TIMM23B: variants seen among roughly 807,000 people sequenced by gnomAD.
TIMM23B encodes the protein mitochondrial import inner membrane translocase subunit Tim23B.
TIMM23B carries 27 observed loss-of-function variants against 27.3 expected under a neutral mutation model. That is an observed-to-expected ratio of 0.99 (90% CI 0.73 to 1.36). The LOEUF (loss-of-function observed/expected upper bound fraction) is 1.36, where lower values mean the gene tolerates loss of function less well. TIMM23B is among the 40% of genes most tolerant of loss of function. The pLI is 0.00. For missense variants in TIMM23B, 205 were observed against 244.2 expected, an observed-to-expected ratio of 0.84 and a Z score of 1.07; for synonymous variants, 73 against 92.4, an observed-to-expected ratio of 0.79 and a Z score of 1.21.
intron 1 of TIMM23B, among the ~76,000 whole-genome samples, chr10:49,944,827 G>A (rs1196530826): frequency 6.6e-6 from 1 of 152,198 alleles, no homozygotes; most frequent in African/African-American, 2.4e-5. Context: ...TGAGCCACCA[G>A]TGGAAGACCT....
chr10:49,954,974 C>G, intron 4 of TIMM23B, 28 bp from the exon 5 acceptor site: 1 of 1,610,860 alleles, frequency 6.2e-7, no homozygotes, highest in Non-Finnish European at 8.5e-7. Flanking sequence ...ATTCTAAATA[C>G]AGATTCTTTC....
At chr10:49,942,803 T>C (rs1839189854) in intron 1 of TIMM23B, among the ~76,000 whole-genome samples, 1 of 152,158 alleles carries the variant, frequency 6.6e-6, no homozygotes, top group Non-Finnish European at 1.5e-5. Context: ...GGAAGTAAGC[T>C]GAACTTTAAA....
intron 2 of TIMM23B, among the ~76,000 whole-genome samples, chr10:49,947,121 C>A (rs1839377387): frequency 6.6e-6 from 1 of 152,142 alleles, no homozygotes; most frequent in African/African-American, 2.4e-5. Context: ...AAAATGTTAC[C>A]ACCAAATGGA....
chr10:49,949,499 G>C (rs1158936587), intron 2 of TIMM23B, among the ~76,000 whole-genome samples: 1 of 152,034 alleles, frequency 6.6e-6, no homozygotes, highest in Non-Finnish European at 1.5e-5. Context: ...TCTACACTTA[G>C]AGGTTGTACT....
chr10:49,958,092 G>A (rs1186760050), intron 5 of TIMM23B, among the ~76,000 whole-genome samples: 1 of 152,176 alleles, frequency 6.6e-6, no homozygotes, highest in African/African-American at 2.4e-5. Context: ...AGGAGGGCAG[G>A]AGAAGGTCAC....
intron 6 of TIMM23B, among the ~76,000 whole-genome samples, chr10:49,970,964 T>TC (rs1345561639): frequency 6.6e-6 from 1 of 152,176 alleles, no homozygotes; most frequent in East Asian, 1.9e-4. Flanking sequence ...CATAGGAGAC[T>TC]CCATTTCGTT....
At chr10:49,961,207 A>G (rs1839885350) in intron 6 of TIMM23B, among the ~76,000 whole-genome samples, 1 of 148,752 alleles carries the variant, frequency 6.7e-6, no homozygotes, top group Admixed American at 6.7e-5. Context: ...AACATAGAGA[A>G]ATCCGGTCTC....
chr10:49,958,045 T>G (rs1450566870), intron 5 of TIMM23B, among the ~76,000 whole-genome samples: 4 of 152,040 alleles, frequency 2.6e-5, no homozygotes, highest in Non-Finnish European at 4.4e-5. Context: ...GGGGAAAGAT[T>G]AGAGTCCTGC....
At chr10:49,955,163 G>A in intron 5 of TIMM23B, 103 bp downstream of exon 5, 1 of 1,184,682 alleles carries the variant, frequency 8.4e-7, no homozygotes, top group Non-Finnish European at 1.2e-6. Context: ...TAGGATATGA[G>A]ACAATTATGT....
intron 2 of TIMM23B, 72 bp downstream of exon 2, chr10:49,945,162 C>T: frequency 6.7e-7 from 1 of 1,494,930 alleles, no homozygotes; most frequent in South Asian, 1.1e-5. Flanking sequence ...GCTATGCTGA[C>T]TTGAACTATG....
chr10:49,948,961 C>T (rs1839437341), intron 2 of TIMM23B, among the ~76,000 whole-genome samples: 2 of 152,182 alleles, frequency 1.3e-5, no homozygotes, highest in African/African-American at 4.8e-5. Context: ...CATCATAGCT[C>T]ACTGTAACCT....
intron 4 of TIMM23B, among the ~76,000 whole-genome samples, chr10:49,953,389 G>A (rs1301772183): frequency 0.19 from 29,104 of 152,194 alleles, 3,328 homozygotes; most frequent in Non-Finnish European, 0.27. Flanking sequence ...TGTGTTGCCC[G>A]AGCTGGAGTG....
chr10:49,955,662 G>C (rs1347111829), intron 5 of TIMM23B, among the ~76,000 whole-genome samples: 1 of 152,180 alleles, frequency 6.6e-6, no homozygotes, highest in Non-Finnish European at 1.5e-5. Flanking sequence ...CTTATGTCCT[G>C]ACATCCAAAA....
chr10:49,967,418 C>A lies in TIMM23B; in HGVS notation c.515-5594C>A, dbSNP rs576512776. Among the ~76,000 whole-genome samples, 5 of 152,082 alleles carry A rather than the reference C, an allele frequency of 3.3e-5. No individual in the cohort carries two copies. The East Asian group carries it at 9.7e-4, about 29-fold the overall frequency. On this transcript the variant is annotated intron_variant, in intron 6 of 6. Transcript: ENST00000651259. ...CACCACACAAAATTTATGTCTGTGC[C>A]CTGTCTTCTTGGGTCTATTTTTTAA... is the stretch of plus-strand genomic sequence containing the variant.
At position 49,952,140 on chromosome 10, in the gene TIMM23B, C is replaced by T; in HGVS notation, c.180C>T (p.Phe60=). The T allele has an allele frequency of 1.2e-6, 2 of 1,600,810 alleles. No homozygotes were observed. Among genetic ancestry groups the T allele is most frequent in the South Asian group, 1.1e-5 (1 of 90,822 alleles). The change falls in exon 3 of 7, where the codon TTC becomes TTT. Residue 60 remains phenylalanine (F), a synonymous_variant. Transcript: ENST00000651259. The stretch of plus-strand genomic sequence containing the variant: ...TATCCTTTTAGGATACAGATGAGTT[C>T]ATTTTACCTACCGGAGCTAATAAAA... ...PRYLVQDTDE[F]ILPTGANKTW... is the part of the protein sequence containing the mutation.
At chr10:49,944,853 G>A (rs1839305891) in intron 1 of TIMM23B, among the ~76,000 whole-genome samples, 179 bp from the exon 2 acceptor site, 1 of 152,154 alleles carries the variant, frequency 6.6e-6, no homozygotes, top group Non-Finnish European at 1.5e-5. Flanking sequence ...GGGATTGAGG[G>A]TCTCAGGATG....
At position 49,952,527 on chromosome 10, in the gene TIMM23B, A is replaced by G; in HGVS notation, c.338A>G (p.Asn113Ser). Residue 113 changes from asparagine to serine, a missense_variant, in exon 4 of 7, where the codon AAT becomes AGT. By Grantham distance (46) the Asn-to-Ser change is conservative. Transcript: ENST00000651259. The part of the protein sequence containing the change: ...TQNMAWSKPG[N>S]VQILNMVTRQ... Reference sequence around the variant, plus strand: ...AACATGGCCTGGTCCAAACCAGGAAATGTACAGTAAGTCTCTTGTAACCAT... The same window carrying G: ...AACATGGCCTGGTCCAAACCAGGAAGTGTACAGTAAGTCTCTTGTAACCAT... 2 of 1,613,186 alleles carry G rather than the reference A, an allele frequency of 1.2e-6. No individual in the cohort carries two copies. The highest frequency in any genetic ancestry group is 1.7e-6 in the Non-Finnish European group (2 of 1,179,408).
Position 49,960,448 on chromosome 10 carries a change from C to T in TIMM23B, c.514+1968C>T, listed in dbSNP as rs1401828117. Among the ~76,000 whole-genome samples the T allele has an allele frequency of 3.6e-4, 54 of 151,252 alleles. 1 individual carries two copies. Among genetic ancestry groups the T allele is most frequent in the Middle Eastern group, 6.9e-3 (2 of 290 alleles). On this transcript the variant is annotated intron_variant, in intron 6 of 6. Transcript: ENST00000651259. ...GTCTTACATATTGTCTGTTGACTTCCAAGAGGAAAGCTGTGTTAACTCTGC... is the reference window on the plus strand; with the variant it reads ...GTCTTACATATTGTCTGTTGACTTCTAAGAGGAAAGCTGTGTTAACTCTGC...
At chr10:49,955,397 T>A (rs1839681373) in intron 5 of TIMM23B, among the ~76,000 whole-genome samples, 1 of 152,220 alleles carries the variant, frequency 6.6e-6, no homozygotes, top group Admixed American at 6.5e-5. Flanking sequence ...TTAGACAAGG[T>A]TCAAGGTCCT....
Sources: allele counts gnomAD v4.1 joint callset (sites outside exome capture counted in the v4.1 genomes callset), GRCh38; gene constraint gnomAD v4.1.1; transcripts MANE v1.5; gene names NCBI Gene and HGNC (gene_info 2026-07-23, HGNC 2026-07-21).